VSIG10: variants seen among roughly 807,000 people sequenced by gnomAD.
The protein encoded by VSIG10 is V-set and immunoglobulin domain containing 10, also known as V-set and immunoglobulin domain-containing protein 10.
In VSIG10, 48 loss-of-function variants were observed where a neutral mutation model predicts 58.7. The ratio of observed to expected loss-of-function variants is 0.82; its 90% CI spans 0.65 to 1.04. VSIG10 has a LOEUF of 1.04. VSIG10 is among the 50% of genes least tolerant of loss of function. VSIG10 has a pLI of 0.00. For missense variants in VSIG10, 628 were observed against 670.0 expected (o/e 0.94, Z 0.69); for synonymous variants, 260 against 267.1 (o/e 0.97, Z 0.26).
At chr12:118,085,004 G>C (rs1488810689) in intron 2 of VSIG10, among the ~76,000 whole-genome samples, 1 of 152,164 alleles carries the variant, frequency 6.6e-6, no homozygotes, top group Non-Finnish European at 1.5e-5. Context: ...GGGCAACAGA[G>C]TGAGACTCCG....
rs1167002191 is a variant in VSIG10, at chr12:118,065,271, A to G, written c.*1368T>C. On this transcript the variant is annotated 3_prime_UTR_variant, in exon 9 of 9. Transcript: ENST00000359236. The stretch of plus-strand genomic sequence containing the variant: ...AATTCTTATCACCAGATACTCCGTT[A>G]TTAAACGTGTCTCCTGCCTTCTTTG... The G allele has an allele frequency of 6.6e-6, 1 of 152,278 alleles. No homozygotes were observed. The highest frequency in any genetic ancestry group is 1.5e-5 in the Non-Finnish European group (1 of 68,052). The allele number at this position is 152,278 out of a possible 1,614,324, so 9.4% of individuals were successfully genotyped here.
intron 7 of VSIG10, among the ~76,000 whole-genome samples, chr12:118,070,174 G>T (rs1266705558): frequency 6.6e-6 from 1 of 152,096 alleles, no homozygotes; most frequent in East Asian, 1.9e-4. Context: ...AAATACACAA[G>T]TTCCGTTTGG....
chr12:118,080,328 C>A (rs2032902124), intron 3 of VSIG10, among the ~76,000 whole-genome samples: 1 of 149,966 alleles, frequency 6.7e-6, no homozygotes, highest in Non-Finnish European at 1.5e-5. Context: ...TTTATTTTTT[C>A]ATTTTTTTTT....
intron 3 of VSIG10, among the ~76,000 whole-genome samples, chr12:118,081,245 C>A (rs1473847647): frequency 6.6e-6 from 1 of 151,870 alleles, no homozygotes; most frequent in Non-Finnish European, 1.5e-5. Flanking sequence ...GACTCGGTCT[C>A]AAAAAGAAAA....
At chr12:118,093,510 G>A (rs1168610308) in intron 2 of VSIG10, among the ~76,000 whole-genome samples, 2 of 151,946 alleles carry the variant, frequency 1.3e-5, no homozygotes, top group African/African-American at 4.8e-5. Context: ...CACCCGGCCT[G>A]CTGTAAATCC....
At chr12:118,071,692 A>G (rs971645910) in intron 5 of VSIG10, among the ~76,000 whole-genome samples, 2 of 152,180 alleles carry the variant, frequency 1.3e-5, no homozygotes, top group Non-Finnish European at 2.9e-5. Flanking sequence ...GAAAGTTAAA[A>G]TCTCTCTGTC....
In VSIG10 at chr12:118,092,905, G is replaced by A. The variant is rs542703819; in HGVS notation, c.361+2628C>T. Among the ~76,000 whole-genome samples, 8 of 151,700 alleles carry A rather than the reference G, an allele frequency of 5.3e-5. No individual in the cohort carries two copies. In the East Asian group the frequency reaches 1.5e-3, roughly 29 times the overall value. On this transcript the variant is annotated intron_variant, in intron 2 of 8. Coordinates refer to ENST00000359236, the MANE Select transcript of VSIG10 (RefSeq NM_019086.6). ...TCCGCCTCAGCCTCCCAAAGTGCTG[G>A]GATTACCGACGTGACCCACTGCATC...
chr12:118,082,229 G>A lies in VSIG10; in HGVS notation c.562C>T (p.Leu188=). 1 of 1,613,970 alleles carries A rather than the reference G, an allele frequency of 6.2e-7. No homozygotes were observed. Among genetic ancestry groups the A allele is most frequent in the South Asian group, 1.1e-5 (1 of 91,088 alleles). Residue 188 remains leucine, a synonymous_variant, in exon 3 of 9, where the codon CTG becomes TTG. Transcript: ENST00000359236. Reference sequence around the variant, plus strand: ...TGGAGGTTTGGCGATATCAGTAACAGTGAGAAAAAGTTGACTGTCAGGTTG... The same window carrying A: ...TGGAGGTTTGGCGATATCAGTAACAATGAGAAAAAGTTGACTGTCAGGTTG... ...GHNLTVNFFS[L]LLISPNLQGN...
At chr12:118,071,627 C>A (rs535492449) in intron 5 of VSIG10, among the ~76,000 whole-genome samples, 158 bp from the exon 6 acceptor site, 27 of 152,304 alleles carry the variant, frequency 1.8e-4, no homozygotes, top group African/African-American at 6.5e-4. Context: ...TTTTATCACC[C>A]AACCTCAGAG....
Position 118,068,587 on chromosome 12 carries a change from T to C in VSIG10, c.1357A>G (p.Met453Val). 6.4e-7 allele frequency: 1 copy of C among 1,556,334 alleles called. No homozygotes were observed. The highest frequency in any genetic ancestry group is 8.7e-7 in the Non-Finnish European group (1 of 1,149,420). ...TCCACCAAAACCATGACATCATCCA[T>C]GTTTTGTCCCCTAATTTCCAAAGGG... The part of the protein sequence containing the change: ...KVGNTSRGQN[M>V]DDVMVLVDSE... The change falls in exon 8 of 9, where the codon ATG becomes GTG. Residue 453 changes from methionine to valine, a missense_variant. By Grantham distance (21) the Met-to-Val change is conservative. Transcript: ENST00000359236.
intron 2 of VSIG10, among the ~76,000 whole-genome samples, chr12:118,086,011 T>G (rs572294994): frequency 7.0e-4 from 105 of 150,014 alleles, no homozygotes; most frequent in African/African-American, 2.3e-3. Flanking sequence ...TACAAAGAAT[T>G]AGCCAGGCGT....
In VSIG10 at chr12:118,071,347, G is replaced by A; in HGVS notation, c.1330+12C>T. ...TCTGGAAGAGAAGCTAAAGGACCCA[G>A]GGAGTCCTTACCTTTCCAGCAGAAC... On this transcript the variant is annotated intron_variant, in intron 6 of 8. Transcript: ENST00000359236. The A allele has an allele frequency of 6.2e-7, 1 of 1,609,414 alleles. No homozygotes were observed.
chr12:118,070,525 G>A (rs1482629689), intron 7 of VSIG10, among the ~76,000 whole-genome samples: 1 of 136,304 alleles, frequency 7.3e-6, no homozygotes, highest in African/African-American at 2.8e-5. Flanking sequence ...TCCAGCCTGA[G>A]CAAGAGAGAG....
rs375126534 is a variant in VSIG10, at chr12:118,082,174, T to C, written c.617A>G (p.Gln206Arg). 8.1e-6 allele frequency: 13 copies of C among 1,614,010 alleles called. No homozygotes were observed. The African/African-American group carries it at 1.5e-4, about 18-fold the overall frequency. ...QGNYTCLALN[Q>R]LSKRHRKVTT... is the part of the protein sequence containing the mutation. ...CACCTTTCGATGTCTCTTGCTGAGC[T>C]GATTCAAGGCTAAACAGGTGTAGTT... Residue 206 changes from glutamine to arginine, a missense_variant, in exon 3 of 9, where the codon CAG becomes CGG. By Grantham distance (43) the Gln-to-Arg change is conservative. Transcript: ENST00000359236.
intron 7 of VSIG10, among the ~76,000 whole-genome samples, chr12:118,069,056 C>T (rs974742427): frequency 1.3e-5 from 2 of 152,164 alleles, no homozygotes; most frequent in African/African-American, 2.4e-5. Flanking sequence ...AGCTTGCCTA[C>T]CCAGCCAGAC....
Position 118,066,834 on chromosome 12 carries a change from CGT to C in VSIG10, c.1568-142_1568-141del, listed in dbSNP as rs1216354159. On this transcript the variant is annotated intron_variant, in intron 8 of 8. Transcript: ENST00000359236. Reference sequence around the variant, plus strand: ...GGATCTCATGGAGAAGGTAGGGCAGCGTGTGTTTTCCCCTTTTCACCTGTTTT... The same window carrying C: ...GGATCTCATGGAGAAGGTAGGGCAGCGTGTTTTCCCCTTTTCACCTGTTTT... The C allele has an allele frequency of 5.0e-5, 44 of 887,206 alleles. No homozygotes were observed. In the African/African-American group the frequency reaches 6.0e-4, roughly 12 times the overall value. 55.0% of individuals were successfully genotyped at this position (887,206 alleles called of 1,614,324 possible).
chr12:118,101,093 T>C (rs981470690), intron 1 of VSIG10, among the ~76,000 whole-genome samples: 1 of 152,214 alleles, frequency 6.6e-6, no homozygotes. Flanking sequence ...AAGAAACCAT[T>C]TGAAGACATT....
chr12:118,097,032 C>T (rs956221728), intron 1 of VSIG10, among the ~76,000 whole-genome samples: 48 of 152,064 alleles, frequency 3.2e-4, no homozygotes, highest in Non-Finnish European at 1.0e-4. Context: ...GAGCGAGACT[C>T]GGTCTAAAAA....
At chr12:118,100,228 G>C (rs1342948647) in intron 1 of VSIG10, among the ~76,000 whole-genome samples, 1 of 152,162 alleles carries the variant, frequency 6.6e-6, no homozygotes, top group Non-Finnish European at 1.5e-5. Flanking sequence ...TGAATGGCCG[G>C]GCGTGGTGGC....
Sources: allele counts gnomAD v4.1 joint callset (sites outside exome capture counted in the v4.1 genomes callset), GRCh38; gene constraint gnomAD v4.1.1; transcripts MANE v1.5; gene names NCBI Gene and HGNC (gene_info 2026-07-23, HGNC 2026-07-21).